The following KLHL3 variants were observed in gnomAD, a reference collection of about 807,000 sequenced individuals.
The protein encoded by KLHL3 is kelch-like protein 3.
Under a neutral mutation model 70.5 loss-of-function variants are expected in KLHL3, and 19 were observed. The ratio of observed to expected loss-of-function variants is 0.27; its 90% CI spans 0.19 to 0.40. The LOEUF (loss-of-function observed/expected upper bound fraction) is 0.40, where lower values mean the gene tolerates loss of function less well. KLHL3 is among the 10% of genes least tolerant of loss of function. The probability of loss-of-function intolerance (pLI) is 1.00; values close to 1 mark genes in which losing one functional copy is unlikely to be tolerated. For missense variants in KLHL3, 512 were observed against 771.1 expected, an observed-to-expected ratio of 0.66 and a Z score of 3.98; for synonymous variants, 258 against 290.3, an observed-to-expected ratio of 0.89 and a Z score of 1.13.
At chr5:137,714,017 C>A in intron 2 of KLHL3, among the ~76,000 whole-genome samples, 1 of 106,496 alleles carries the variant, frequency 9.4e-6, no homozygotes, top group African/African-American at 3.6e-5. Context: ...TAATGCTATC[C>A]CTCCCCCCTC....
chr5:137,719,547 A>AT (rs1752958005), intron 2 of KLHL3, among the ~76,000 whole-genome samples: 1 of 152,280 alleles, frequency 6.6e-6, no homozygotes, highest in South Asian at 2.1e-4. Context: ...ACAAAAAAAC[A>AT]TGTACAGAAA....
At chr5:137,678,125 G>C (rs973207818) in intron 5 of KLHL3, among the ~76,000 whole-genome samples, 3 of 152,138 alleles carry the variant, frequency 2.0e-5, no homozygotes, top group Admixed American at 6.5e-5. Flanking sequence ...AACATTAGAA[G>C]GTCAGTAGAT....
intron 1 of KLHL3, among the ~76,000 whole-genome samples, chr5:137,735,328 T>C (rs1199332065): frequency 6.6e-6 from 1 of 152,214 alleles, no homozygotes; most frequent in Non-Finnish European, 1.5e-5. Flanking sequence ...AAAGGCAATC[T>C]GATTCAGCCT....
chr5:137,632,480 A>G (rs1750662414), intron 12 of KLHL3, among the ~76,000 whole-genome samples: 2 of 152,158 alleles, frequency 1.3e-5, no homozygotes, highest in Non-Finnish European at 2.9e-5. Flanking sequence ...CTAGACCTCT[A>G]TCTCTTACCA....
intron 3 of KLHL3, among the ~76,000 whole-genome samples, chr5:137,705,665 G>C (rs1752671384): frequency 6.6e-6 from 1 of 152,190 alleles, no homozygotes; most frequent in Admixed American, 6.5e-5. Context: ...ATAAGACCCT[G>C]AGCCCATATA....
At chr5:137,674,671 C>T (rs1232143700) in intron 6 of KLHL3, among the ~76,000 whole-genome samples, 1 of 152,096 alleles carries the variant, frequency 6.6e-6, no homozygotes, top group Non-Finnish European at 1.5e-5. Flanking sequence ...GATTACCAAC[C>T]CAGTTGGGTT....
intron 5 of KLHL3, among the ~76,000 whole-genome samples, chr5:137,688,765 G>A (rs141324260): frequency 2.0e-5 from 3 of 152,214 alleles, no homozygotes; most frequent in African/African-American, 7.2e-5. Flanking sequence ...GGTTTCCTCA[G>A]CTATCATATG....
rs139157639 is a variant in KLHL3, at chr5:137,734,354, C to CTGT, written c.14+1276_14+1278dup. ...CCTCACAGAGTTCAACACTAAACTCCTGTTGCAAAGAGCACCCAGAAAGAG... is the reference window on the plus strand; with the variant it reads ...CCTCACAGAGTTCAACACTAAACTCCTGTTGTTGCAAAGAGCACCCAGAAAGAG... On this transcript the variant is annotated intron_variant, in intron 1 of 14. Transcript: ENST00000309755. Among the ~76,000 whole-genome samples, 1,248 of 152,290 alleles carry CTGT rather than the reference C, an allele frequency of 8.2e-3. 20 individuals carry two copies. Among genetic ancestry groups the CTGT allele is most frequent in the African/African-American group, 0.029 (1,188 of 41,544 alleles).
intron 1 of KLHL3, among the ~76,000 whole-genome samples, chr5:137,728,594 T>C (rs1470405779): frequency 1.3e-5 from 2 of 152,082 alleles, no homozygotes; most frequent in African/African-American, 4.8e-5. Flanking sequence ...GAAAGTGAGA[T>C]AGGTTACTGC....
At chr5:137,666,762 T>C (rs1239226520) in intron 6 of KLHL3, among the ~76,000 whole-genome samples, 1 of 152,094 alleles carries the variant, frequency 6.6e-6, no homozygotes, top group South Asian at 2.1e-4. Context: ...TCAGACTTCA[T>C]GCTTGAAAAA....
chr5:137,649,951 C>T (rs1751158898), intron 8 of KLHL3, among the ~76,000 whole-genome samples: 1 of 152,212 alleles, frequency 6.6e-6, no homozygotes, highest in African/African-American at 2.4e-5. Context: ...TACTCAATCT[C>T]ACCGATTCTC....
intron 10 of KLHL3, among the ~76,000 whole-genome samples, chr5:137,637,995 G>T (rs1234047230): frequency 2.0e-5 from 3 of 152,240 alleles, no homozygotes; most frequent in South Asian, 2.1e-4. Flanking sequence ...CTTAAAGAAT[G>T]TGGCCTCAAT....
At chr5:137,709,711 G>A in intron 3 of KLHL3, 39 bp downstream of exon 3, 1 of 1,496,140 alleles carries the variant, frequency 6.7e-7, no homozygotes, top group Non-Finnish European at 9.3e-7. Context: ...TGGGGCTGCA[G>A]CCCCATAACC....
intron 1 of KLHL3, among the ~76,000 whole-genome samples, chr5:137,724,390 C>T (rs1271102615): frequency 1.3e-5 from 2 of 152,222 alleles, no homozygotes; most frequent in African/African-American, 4.8e-5. Context: ...AACAGGAAAG[C>T]TCACTCTTCT....
chr5:137,694,832 G>A (rs148195060), intron 4 of KLHL3, among the ~76,000 whole-genome samples: 1 of 152,254 alleles, frequency 6.6e-6, no homozygotes, highest in East Asian at 1.9e-4. Flanking sequence ...GTGACCCTCA[G>A]AAGCCCTGAG....
chr5:137,677,385 T>A, intron 6 of KLHL3, 160 bp downstream of exon 6: 1 of 482,642 alleles, frequency 2.1e-6, no homozygotes, highest in Non-Finnish European at 3.7e-6. Context: ...GAGGCGGAGG[T>A]TGCAGTGAGC....
chr5:137,728,834 G>A (rs1309182220), intron 1 of KLHL3, among the ~76,000 whole-genome samples: 1 of 152,108 alleles, frequency 6.6e-6, no homozygotes, highest in Non-Finnish European at 1.5e-5. Context: ...CTTGAGGATG[G>A]AGGGTGGGTG....
chr5:137,628,506 T>TG, intron 12 of KLHL3, 69 bp from the exon 13 acceptor site: 1 of 1,579,662 alleles, frequency 6.3e-7, no homozygotes, highest in Non-Finnish European at 8.6e-7. Flanking sequence ...AGGCCTGGCA[T>TG]CCAGTCCTGG....
At chr5:137,685,248 A>C (rs1752133592) in intron 5 of KLHL3, among the ~76,000 whole-genome samples, 1 of 152,254 alleles carries the variant, frequency 6.6e-6, no homozygotes, top group South Asian at 2.1e-4. Context: ...TATGTACAAG[A>C]ATTCTCATGG....
Sources: gnomAD v4.1 joint callset for allele counts (sites outside exome capture counted in the v4.1 genomes callset) on GRCh38, gnomAD v4.1.1 for gene constraint, MANE v1.5 for transcripts, NCBI Gene and HGNC (gene_info 2026-07-23, HGNC 2026-07-21) for gene names.